DNAH10: variants seen among roughly 807,000 people sequenced by gnomAD.
DNAH10 encodes dynein axonemal heavy chain 10, also known as axonemal beta dynein heavy chain 10.
Under a neutral mutation model 506.6 loss-of-function variants are expected in DNAH10, and 348 were observed. The ratio of observed to expected loss-of-function variants is 0.69; its 90% CI spans 0.63 to 0.75. DNAH10 has a LOEUF of 0.75. Among genes scored for constraint, DNAH10 ranks in the 30% least tolerant of loss-of-function variants. DNAH10 has a pLI of 0.00. For synonymous variants in DNAH10, 2,059 were observed against 2,198.6 expected (o/e 0.94, Z 1.78); for missense variants, 5,179 against 5,787.1 (o/e 0.89, Z 3.41).
chr12:123,873,836 T>C, intron 46 of DNAH10, 126 bp downstream of exon 46: 1 of 1,311,344 alleles, frequency 7.6e-7, no homozygotes, highest in Non-Finnish European at 1.0e-6. Context: ...GTCTGCAGGG[T>C]ACAGGCTGCG....
At chr12:123,794,262 G>A (rs543887753) in intron 12 of DNAH10, 150 bp downstream of exon 12, 8 of 416,268 alleles carry the variant, frequency 1.9e-5, no homozygotes, top group Admixed American at 5.9e-5. Context: ...CACGTAACCC[G>A]AACAAAGTGG....
intron 51 of DNAH10, among the ~76,000 whole-genome samples, chr12:123,883,122 C>T (rs374691773): frequency 1.6e-4 from 25 of 152,168 alleles, no homozygotes; most frequent in East Asian, 5.8e-4. Flanking sequence ...CACTGCTGGG[C>T]GTGTTTGTTG....
At chr12:123,900,089 T>C (rs747033680) in intron 56 of DNAH10, among the ~76,000 whole-genome samples, 1 of 152,206 alleles carries the variant, frequency 6.6e-6, no homozygotes, top group Non-Finnish European at 1.5e-5. Context: ...CTGCAGTAAC[T>C]TGCTCTTTCT....
At chr12:123,892,994 C>T (rs1051812240) in intron 52 of DNAH10, among the ~76,000 whole-genome samples, 3 of 152,210 alleles carry the variant, frequency 2.0e-5, no homozygotes, top group Non-Finnish European at 2.9e-5. Context: ...GTGATGCTCA[C>T]GGTCATCCTC....
intron 55 of DNAH10, 62 bp downstream of exon 55, chr12:123,898,029 C>G: frequency 7.0e-7 from 1 of 1,428,272 alleles, no homozygotes; most frequent in Non-Finnish European, 9.3e-7. Context: ...AGGATTCGAG[C>G]GCTGATCTTT....
intron 21 of DNAH10, among the ~76,000 whole-genome samples, chr12:123,816,887 C>G (rs536301761): frequency 6.6e-6 from 1 of 152,324 alleles, no homozygotes; most frequent in Admixed American, 6.5e-5. Flanking sequence ...GATGGTACCC[C>G]TTTACATCCA....
rs533242201 is a variant in DNAH10 at position 123,887,237 on chromosome 12, G to A, written c.8919G>A (p.Ala2973=). The change falls in exon 52 of 79, where the codon GCG becomes GCA. Residue 2973 remains alanine (A), a synonymous_variant. Transcript: ENST00000673944. ...TGAAACTTGGGATTGAGAACAAAGC[G>A]ATGATCTTTCTGTTCACGGATGCCC... ...LYLKLGIENK[A]MIFLFTDAHV... 2.1e-5 allele frequency: 34 copies of A among 1,613,988 alleles called. No homozygotes were observed. The African/African-American group carries it at 2.4e-4, about 11-fold the overall frequency.
At chr12:123,866,288 G>GGCTGGAGT (rs1312212572) in intron 41 of DNAH10, among the ~76,000 whole-genome samples, 5 of 120,534 alleles carry the variant, frequency 4.1e-5, no homozygotes, top group Non-Finnish European at 8.0e-5. Flanking sequence ...CTGTCACCCA[G>GGCTGGAGT]GCTGGAGTGC....
rs528590672 is a variant in DNAH10 at position 123,925,598 on chromosome 12, T to C, written c.11921+394T>C. On this transcript the variant is annotated intron_variant, in intron 68 of 78. Transcript: ENST00000673944. This position sits in a 1 kb window ranked among gnomAD's most constrained non-coding sequence, Gnocchi z 4.0. ...ACAAAATCCTGTGTGAATTCACACT[T>C]ACAGCACATCTCAATTGGGGCTAGC... 2 of 177,228 alleles carry C rather than the reference T, an allele frequency of 1.1e-5. No homozygotes were observed. The highest frequency in any genetic ancestry group is 1.2e-4 in the Admixed American group (2 of 17,192). 11.0% of individuals were successfully genotyped at this position (177,228 alleles called of 1,614,324 possible). A position where few individuals can be genotyped will look rare whatever the true frequency, so the allele number is the denominator to read the frequency against.
Position 123,785,854 on chromosome 12 carries a change from A to T in DNAH10, c.1339A>T (p.Arg447Trp). Residue 447 changes from arginine to tryptophan, a missense_variant, in exon 9 of 79, where the codon AGG becomes TGG. Physicochemically the swap from Arg to Trp is moderately radical, Grantham distance 101. Around this residue, in one of 3 missense-constraint regions of DNAH10, gnomAD observed 4,844 missense variants for 5,430.5 expected, o/e 0.89. Transcript: ENST00000673944. The surrounding 1 kb of genome is among the most constrained non-coding windows in gnomAD (Gnocchi z 4.1). ...IISRHYNKDE[R>W]MIPLMERIAW... is the part of the protein sequence containing the mutation. ...CTCCCGACACTACAACAAAGACGAG[A>T]GGATGATTCCGCTCATGGAGCGCAT... 3 of 1,614,166 alleles carry T rather than the reference A, an allele frequency of 1.9e-6. No homozygotes were observed. Among genetic ancestry groups the T allele is most frequent in the South Asian group, 2.2e-5 (2 of 91,088 alleles).
rs767695480 is a variant in DNAH10 at position 123,803,730 on chromosome 12, A to G, written c.2684A>G (p.His895Arg). The change falls in exon 17 of 79, where the codon CAT becomes CGT. Residue 895 changes from histidine (H) to arginine (R), a missense_variant. By Grantham distance (29) the His-to-Arg change is conservative. Coordinates refer to ENST00000673944, the MANE Select transcript of DNAH10 (RefSeq NM_001372106.1). ...GKFESLVHQI[H>R]KNADDISSRL... Reference sequence around the variant, plus strand: ...TTTGAGTCTCTCGTCCACCAGATTCATAAGAATGCAGATGACATTTCTTCC... The same window carrying G: ...TTTGAGTCTCTCGTCCACCAGATTCGTAAGAATGCAGATGACATTTCTTCC... The G allele has an allele frequency of 6.6e-5, 106 of 1,612,146 alleles. No homozygotes were observed. The East Asian group carries it at 2.3e-3, about 35-fold the overall frequency.
In DNAH10 at chr12:123,919,110, C is replaced by T; in HGVS notation, c.11506+161C>T. 1 of 933,302 alleles carries T rather than the reference C, an allele frequency of 1.1e-6. No individual in the cohort carries two copies. Among genetic ancestry groups the T allele is most frequent in the Non-Finnish European group, 1.5e-6 (1 of 657,128 alleles). 57.8% of individuals were successfully genotyped at this position (933,302 alleles called of 1,614,324 possible). ...TTTTTTTTTGAGATAGGGTCTTGCT[C>T]CATCACCCAGGCTGGAATGCAGTGG... On this transcript the variant is annotated intron_variant, in intron 65 of 78. Transcript: ENST00000673944. The surrounding 1 kb of genome is among the most constrained non-coding windows in gnomAD (Gnocchi z 4.9).
At chr12:123,835,651 G>T in intron 28 of DNAH10, 123 bp downstream of exon 28, 1 of 1,380,900 alleles carries the variant, frequency 7.2e-7, no homozygotes, top group Non-Finnish European at 9.6e-7. Flanking sequence ...TAGAGACAGG[G>T]TTTTGCTCTG....
intron 39 of DNAH10, among the ~76,000 whole-genome samples, chr12:123,862,945 A>G (rs918594090): frequency 3.9e-5 from 6 of 152,198 alleles, no homozygotes; most frequent in African/African-American, 1.4e-4. Flanking sequence ...GAGAGTGCGA[A>G]TGTGGCAAAA....
intron 5 of DNAH10, among the ~76,000 whole-genome samples, chr12:123,779,604 G>GGAAA (rs1957568009): frequency 6.7e-6 from 1 of 149,594 alleles, no homozygotes; most frequent in East Asian, 2.0e-4. Flanking sequence ...TGGGGGTGGG[G>GGAAA]GAGAGAGAGA....
At chr12:123,816,630 G>A (rs1163635728) in intron 21 of DNAH10, among the ~76,000 whole-genome samples, 1 of 152,186 alleles carries the variant, frequency 6.6e-6, no homozygotes, top group East Asian at 1.9e-4. Flanking sequence ...TCTGAGTTCT[G>A]TGAGCCATTT....
chr12:123,860,623 G>A (rs1226988895), intron 38 of DNAH10, among the ~76,000 whole-genome samples: 1 of 152,284 alleles, frequency 6.6e-6, no homozygotes, highest in African/African-American at 2.4e-5. Flanking sequence ...GTAGTCCAAA[G>A]CCTTGTTATT....
At position 123,926,876 on chromosome 12, in the gene DNAH10, G is replaced by T; in HGVS notation, c.12105+56G>T. Reference sequence around the variant, plus strand: ...CGTTTAGGGGAGGTCCCTGGTGTCTGCTAAGAAGGAGCTAACCTGGGTTTA... The same window carrying T: ...CGTTTAGGGGAGGTCCCTGGTGTCTTCTAAGAAGGAGCTAACCTGGGTTTA... On this transcript the variant is annotated intron_variant, in intron 69 of 78. Transcript: ENST00000673944. The surrounding 1 kb of genome is among the most constrained non-coding windows in gnomAD (Gnocchi z 4.1). The T allele has an allele frequency of 6.3e-7, 1 of 1,584,812 alleles. No individual in the cohort carries two copies. The highest frequency in any genetic ancestry group is 1.1e-5 in the South Asian group (1 of 87,988).
At chr12:123,831,646 A>G (rs1432063777) in intron 26 of DNAH10, among the ~76,000 whole-genome samples, 3 of 152,206 alleles carry the variant, frequency 2.0e-5, no homozygotes, top group Non-Finnish European at 4.4e-5. Context: ...TAATCCCAGC[A>G]CTTTGGGAGG....
Sources: allele counts gnomAD v4.1 joint callset (sites outside exome capture counted in the v4.1 genomes callset), GRCh38; gene constraint gnomAD v4.1.1; regional missense constraint gnomAD v4.1.1; non-coding constraint Gnocchi (gnomAD v3.1); transcripts MANE v1.5; gene names NCBI Gene and HGNC (gene_info 2026-07-23, HGNC 2026-07-21).